SLC1A1: variants seen among roughly 807,000 people sequenced by gnomAD.
SLC1A1 encodes solute carrier family 1 member 1, also known as excitatory amino acid transporter 3.
SLC1A1 carries 43 observed loss-of-function variants against 53.3 expected under a neutral mutation model. That is an observed-to-expected ratio of 0.81 (90% CI 0.63 to 1.04). SLC1A1 has a LOEUF of 1.04. Ranked by LOEUF, SLC1A1 falls within the 50% of genes least tolerant of loss-of-function variation. The probability of loss-of-function intolerance (pLI) is 0.00; values close to 1 mark genes in which losing one functional copy is unlikely to be tolerated. For synonymous variants in SLC1A1, 307 were observed against 243.2 expected, an observed-to-expected ratio of 1.26 and a Z score of -2.44; for missense variants, 748 against 664.9, an observed-to-expected ratio of 1.12 and a Z score of -1.37.
intron 1 of SLC1A1, among the ~76,000 whole-genome samples, chr9:4,514,027 G>T (rs927224533): frequency 1.3e-5 from 2 of 152,166 alleles, no homozygotes; most frequent in African/African-American, 4.8e-5. Flanking sequence ...GGTTGCTAGA[G>T]GTTAGGAATG....
chr9:4,559,217 A>G (rs1252260063), intron 2 of SLC1A1, among the ~76,000 whole-genome samples: 1 of 152,110 alleles, frequency 6.6e-6, no homozygotes, highest in Non-Finnish European at 1.5e-5. Flanking sequence ...AGCAAACTGC[A>G]TTTTTCTCAA....
intron 1 of SLC1A1, among the ~76,000 whole-genome samples, chr9:4,517,564 A>T (rs1388505262): frequency 6.6e-6 from 1 of 152,194 alleles, no homozygotes; most frequent in African/African-American, 2.4e-5. Flanking sequence ...TCGGCTGAAC[A>T]CTGGTCACCT....
intron 1 of SLC1A1, among the ~76,000 whole-genome samples, chr9:4,525,641 G>A (rs904157665): frequency 2.0e-5 from 3 of 152,130 alleles, no homozygotes; most frequent in Non-Finnish European, 4.4e-5. Flanking sequence ...ATAGAAAAAT[G>A]ATAGTGTGAA....
intron 1 of SLC1A1, among the ~76,000 whole-genome samples, chr9:4,509,277 G>A (rs2130811112): frequency 6.6e-6 from 1 of 152,308 alleles, no homozygotes; most frequent in Admixed American, 6.5e-5. Context: ...ATGCAGGCCT[G>A]TATTGGTTAG....
intron 1 of SLC1A1, 73 bp downstream of exon 1, chr9:4,490,843 G>T (rs756279774): frequency 2.3e-6 from 3 of 1,316,776 alleles, no homozygotes; most frequent in Non-Finnish European, 3.2e-6. Context: ...TGCGGCTGAG[G>T]GTGGGCTTGG....
chr9:4,585,525 C>G lies in SLC1A1; in HGVS notation c.1542C>G (p.Asp514Glu), dbSNP rs747303238. ...GAGGCTTTGCAGTAGACAAGTCTGA[C>G]ACCATCTCATTCACCCAGACCTCAC... ...VNGGFAVDKS[D>E]TISFTQTSQF The change falls in exon 12 of 12, where the codon GAC (aspartate) becomes GAG (glutamate). Residue 514 changes from aspartate (D) to glutamate (E), a missense_variant. By Grantham distance (45) the Asp-to-Glu change is conservative (BLOSUM62 2). Coordinates refer to ENST00000262352, the MANE Select transcript of SLC1A1 (RefSeq NM_004170.6). The G allele has an allele frequency of 5.6e-6, 9 of 1,614,104 alleles. No individual in the cohort carries two copies. The highest frequency in any genetic ancestry group is 1.7e-5 in the Admixed American group (1 of 60,008).
Position 4,567,708 on chromosome 9 carries a change from C to G in SLC1A1, c.523C>G (p.Pro175Ala). 1 of 1,613,314 alleles carries G rather than the reference C, an allele frequency of 6.2e-7. No individual in the cohort carries two copies. Among genetic ancestry groups the G allele is most frequent in the Non-Finnish European group, 8.5e-7 (1 of 1,179,394 alleles). Residue 175 changes from proline to alanine, a missense_variant, in exon 6 of 12, where the codon CCA (proline) becomes GCA (alanine). Pro to Ala is a conservative substitution (Grantham distance 27). Transcript: ENST00000262352. The stretch of plus-strand genomic sequence containing the variant: ...TGAAGAAGTGAAGCCTCCCAGCGAT[C>G]CAGAGATGAACATGACAGAAGAGTC... ...KREEVKPPSD[P>A]EMNMTEESFT...
chr9:4,503,159 TC>T (rs1820691997), intron 1 of SLC1A1, among the ~76,000 whole-genome samples: 1 of 151,758 alleles, frequency 6.6e-6, no homozygotes, highest in African/African-American at 2.4e-5. Flanking sequence ...GCACCACCAT[TC>T]CCACGTCTGT....
intron 2 of SLC1A1, among the ~76,000 whole-genome samples, chr9:4,545,700 C>A (rs1817434865): frequency 6.6e-6 from 1 of 152,132 alleles, no homozygotes; most frequent in East Asian, 1.9e-4. Flanking sequence ...ATTCGAAAAG[C>A]CTAGTATTTT....
At chr9:4,560,562 T>G (rs1818836953) in intron 2 of SLC1A1, among the ~76,000 whole-genome samples, 2 of 152,210 alleles carry the variant, frequency 1.3e-5, no homozygotes, top group African/African-American at 2.4e-5. Context: ...TTTTCTCCTT[T>G]TTCAGATAGT....
chr9:4,585,275 C>G, intron 11 of SLC1A1, 37 bp from the exon 12 acceptor site: 5 of 1,612,168 alleles, frequency 3.1e-6, no homozygotes, highest in Non-Finnish European at 4.2e-6. Flanking sequence ...AAAATGAAAT[C>G]TGGGCCTCCT....
chr9:4,551,063 C>A (rs1817889984), intron 2 of SLC1A1, among the ~76,000 whole-genome samples: 1 of 152,130 alleles, frequency 6.6e-6, no homozygotes, highest in South Asian at 2.1e-4. Flanking sequence ...AAATAAACTA[C>A]CACATCAGGC....
intron 3 of SLC1A1, 139 bp from the exon 4 acceptor site, chr9:4,564,205 C>T (rs1403854659): frequency 2.9e-6 from 2 of 691,906 alleles, no homozygotes; most frequent in African/African-American, 1.8e-5. Context: ...AGAGGAGGCT[C>T]AGCATTTTGG....
chr9:4,498,570 T>C (rs1254011130), intron 1 of SLC1A1, among the ~76,000 whole-genome samples: 1 of 152,020 alleles, frequency 6.6e-6, no homozygotes, highest in South Asian at 2.1e-4. Context: ...TCATATATAA[T>C]GGGGACTTTT....
At position 4,496,836 on chromosome 9, in the gene SLC1A1, G is replaced by A. The variant is rs570770967; in HGVS notation, c.91+6066G>A. The stretch of plus-strand genomic sequence containing the variant: ...CACATGAGGCCAGGAGTTCCAGGCT[G>A]CAGGGAGCTTGATCACATCATTGTA... On this transcript the variant is annotated intron_variant, in intron 1 of 11. Transcript: ENST00000262352. Among the ~76,000 whole-genome samples the A allele has an allele frequency of 9.2e-5, 14 of 152,306 alleles. No homozygotes were observed. The South Asian group carries it at 2.1e-3, about 23-fold the overall frequency.
In SLC1A1 at chr9:4,583,231, C is replaced by A; in HGVS notation, c.1328+59C>A. ...TGTGCAGGCGGGCTTCCCAGCCTCG[C>A]AGGCGCTGCAGTCTGTCATCATTCT... is the stretch of plus-strand genomic sequence containing the variant. On this transcript the variant is annotated intron_variant, in intron 11 of 11. Transcript: ENST00000262352. This position sits in a 1 kb window ranked among gnomAD's most constrained non-coding sequence, Gnocchi z 4.6. 1 of 1,601,748 alleles carries A rather than the reference C, an allele frequency of 6.2e-7. No homozygotes were observed. The highest frequency in any genetic ancestry group is 1.1e-5 in the South Asian group (1 of 90,808).
chr9:4,530,010 A>G (rs1816407632), intron 1 of SLC1A1, among the ~76,000 whole-genome samples: 1 of 152,184 alleles, frequency 6.6e-6, no homozygotes, highest in South Asian at 2.1e-4. Context: ...TATTTAGACC[A>G]AATAGGCTGA....
In SLC1A1 at chr9:4,506,104, G is replaced by C. The variant is rs371641928; in HGVS notation, c.91+15334G>C. Among the ~76,000 whole-genome samples, 88 of 152,202 alleles carry C rather than the reference G, an allele frequency of 5.8e-4. 2 individuals are homozygous for C. The South Asian group carries it at 0.018, about 31-fold the overall frequency. ...GCCTCCCAAATTGCTGGGATTACAG[G>C]CTCCTGCCGTCTGACTTAATTTTTG... is the stretch of plus-strand genomic sequence containing the variant. On this transcript the variant is annotated intron_variant, in intron 1 of 11. Transcript: ENST00000262352.
At chr9:4,574,329 C>T (rs1322751892) in intron 8 of SLC1A1, among the ~76,000 whole-genome samples, 1 of 152,188 alleles carries the variant, frequency 6.6e-6, no homozygotes, top group African/African-American at 2.4e-5. Flanking sequence ...TCTCTCCTGG[C>T]CTTCATTTCC....
Sources: gnomAD v4.1 joint callset for allele counts (sites outside exome capture counted in the v4.1 genomes callset) on GRCh38, gnomAD v4.1.1 for gene constraint, Gnocchi (gnomAD v3.1) non-coding constraint, MANE v1.5 for transcripts, NCBI Gene and HGNC (gene_info 2026-07-23, HGNC 2026-07-21) for gene names.